The following BMPR1B variants were observed in gnomAD, a reference collection of about 807,000 sequenced individuals.
BMPR1B encodes the protein bone morphogenetic protein receptor type 1B.
A neutral mutation model predicts 59.1 loss-of-function variants in BMPR1B; 12 were observed. The ratio of observed to expected loss-of-function variants is 0.20; its 90% CI spans 0.13 to 0.33. BMPR1B has a LOEUF of 0.33. Ranked by LOEUF, BMPR1B falls within the 10% of genes least tolerant of loss-of-function variation. The pLI is 1.00. For missense variants in BMPR1B, 550 were observed against 610.9 expected, an observed-to-expected ratio of 0.90 and a Z score of 1.05; for synonymous variants, 237 against 207.3, an observed-to-expected ratio of 1.14 and a Z score of -1.23.
chr4:95,051,537 C>T (rs1382646929), intron 3 of BMPR1B: 2 of 624,280 alleles, frequency 3.2e-6, no homozygotes, highest in Non-Finnish European at 2.8e-6. Context: ...GTGACAGAAC[C>T]AGTTTGTAAC....
intron 1 of BMPR1B, among the ~76,000 whole-genome samples, chr4:94,829,553 T>C (rs763862301): frequency 6.6e-6 from 1 of 152,192 alleles, no homozygotes; most frequent in Non-Finnish European, 1.5e-5. Flanking sequence ...GCATGAGCCA[T>C]GGCACCTGGC....
chr4:94,792,072 A>G (rs147256782), intron 1 of BMPR1B, among the ~76,000 whole-genome samples: 20 of 152,322 alleles, frequency 1.3e-4, no homozygotes, highest in African/African-American at 4.8e-4. Flanking sequence ...GCATATTTGA[A>G]TAATGCATTA....
At chr4:95,068,064 A>G (rs547307210) in intron 3 of BMPR1B, among the ~76,000 whole-genome samples, 1 of 152,274 alleles carries the variant, frequency 6.6e-6, no homozygotes, top group East Asian at 1.9e-4. Context: ...GTTTAGTGTC[A>G]CTGCAGAGTT....
At chr4:94,842,049 G>A (rs1450100496) in intron 1 of BMPR1B, among the ~76,000 whole-genome samples, 1 of 152,144 alleles carries the variant, frequency 6.6e-6, no homozygotes, top group Non-Finnish European at 1.5e-5. Context: ...CAGGAGTTCC[G>A]TTACAGTACA....
rs1735428030 is a variant in BMPR1B at position 95,156,449 on chromosome 4, A to C, written c.*1776A>C. ...TTGACAGCTACATGAAACATGAGAA[A>C]ACATTTTCCTCACTTCTGAAGTCGG... On this transcript the variant is annotated 3_prime_UTR_variant, in exon 13 of 13. Transcript: ENST00000515059. 6.6e-6 allele frequency: 1 copy of C among 152,124 alleles called. No homozygotes were observed. Among genetic ancestry groups the C allele is most frequent in the African/African-American group, 2.4e-5 (1 of 41,436 alleles). 9.4% of individuals were successfully genotyped at this position (152,124 alleles called of 1,614,324 possible). A position where few individuals can be genotyped will look rare whatever the true frequency, so the allele number is the denominator to read the frequency against.
chr4:94,822,802 GA>G (rs1473560579), intron 1 of BMPR1B, among the ~76,000 whole-genome samples: 1 of 152,136 alleles, frequency 6.6e-6, no homozygotes, highest in African/African-American at 2.4e-5. Flanking sequence ...CTTAGTCTCT[GA>G]AATAGCAAGG....
intron 3 of BMPR1B, among the ~76,000 whole-genome samples, chr4:95,039,617 A>G (rs913242844): frequency 1.3e-5 from 2 of 152,204 alleles, no homozygotes; most frequent in Non-Finnish European, 1.5e-5. Flanking sequence ...GTAAGGGAAG[A>G]TACGGAAATA....
At chr4:94,987,698 C>T (rs945291732) in intron 2 of BMPR1B, among the ~76,000 whole-genome samples, 3 of 151,940 alleles carry the variant, frequency 2.0e-5, no homozygotes, top group African/African-American at 7.3e-5. Flanking sequence ...GACCCCCCCT[C>T]GAAAGATACT....
At chr4:94,884,386 T>C (rs1727091127) in intron 2 of BMPR1B, among the ~76,000 whole-genome samples, 1 of 151,714 alleles carries the variant, frequency 6.6e-6, no homozygotes, top group Non-Finnish European at 1.5e-5. Context: ...ATTAGCTGGG[T>C]GTGGTGGCAG....
chr4:95,145,930 C>T (rs1201814359), intron 10 of BMPR1B, among the ~76,000 whole-genome samples: 1 of 152,198 alleles, frequency 6.6e-6, no homozygotes, highest in Non-Finnish European at 1.5e-5. Context: ...GAGATTTTTA[C>T]ATTTCCCTTT....
chr4:94,917,378 T>C (rs1728524069), intron 2 of BMPR1B, among the ~76,000 whole-genome samples: 1 of 152,158 alleles, frequency 6.6e-6, no homozygotes, highest in East Asian at 1.9e-4. Flanking sequence ...AGAGCAGCCA[T>C]GGGGGCCGAA....
intron 8 of BMPR1B, among the ~76,000 whole-genome samples, chr4:95,128,948 CT>C (rs1406652506): frequency 6.6e-6 from 1 of 151,980 alleles, no homozygotes; most frequent in Non-Finnish European, 1.5e-5. Flanking sequence ...CATTCTCTTT[CT>C]TTCTTCTCTC....
At chr4:94,810,594 T>C (rs552158106) in intron 1 of BMPR1B, among the ~76,000 whole-genome samples, 1 of 152,276 alleles carries the variant, frequency 6.6e-6, no homozygotes, top group African/African-American at 2.4e-5. Flanking sequence ...CAAATGCAAT[T>C]TGATTTATAT....
chr4:94,796,492 A>G (rs777120800), intron 1 of BMPR1B, among the ~76,000 whole-genome samples: 1 of 152,196 alleles, frequency 6.6e-6, no homozygotes, highest in Admixed American at 6.5e-5. Flanking sequence ...TTCTCAGATC[A>G]TCTACAAAGA....
In BMPR1B at chr4:94,757,973, C is replaced by CGGGCGG. The variant is rs1721586835; in HGVS notation, c.-273_-272insGGGGCG. On this transcript the variant is annotated 5_prime_UTR_variant, in exon 1 of 13. Transcript: ENST00000515059. ...GGCGGCCAGAAGTTGACGGCGCAGC[C>CGGGCGG]GGGCGCGGGGCGCGGAGTCGGCGGG... is the stretch of plus-strand genomic sequence containing the variant. The CGGGCGG allele has an allele frequency of 6.9e-6, 1 of 144,646 alleles. No homozygotes were observed. The highest frequency in any genetic ancestry group is 6.9e-5 in the Admixed American group (1 of 14,542). 9.0% of individuals were successfully genotyped at this position (144,646 alleles called of 1,614,324 possible).
intron 1 of BMPR1B, among the ~76,000 whole-genome samples, chr4:94,786,642 C>A (rs1722774699): frequency 6.6e-6 from 1 of 152,112 alleles, no homozygotes; most frequent in South Asian, 2.1e-4. Flanking sequence ...GGATTCACAC[C>A]ATTCTCCTGC....
chr4:94,976,036 A>G (rs1731020190), intron 2 of BMPR1B, among the ~76,000 whole-genome samples: 1 of 152,182 alleles, frequency 6.6e-6, no homozygotes, highest in South Asian at 2.1e-4. Context: ...GGGTTAGGGT[A>G]TCTCCTGCAT....
At chr4:94,958,041 A>G (rs1011322406) in intron 2 of BMPR1B, among the ~76,000 whole-genome samples, 8 of 152,200 alleles carry the variant, frequency 5.3e-5, no homozygotes, top group African/African-American at 1.7e-4. Context: ...CAGTCCATCC[A>G]TCGTTTATCA....
At position 94,882,641 on chromosome 4, in the gene BMPR1B, A is replaced by G. The variant is rs17022449; in HGVS notation, c.-113+6741A>G. On this transcript the variant is annotated intron_variant, in intron 2 of 12. Coordinates refer to ENST00000515059, the MANE Select transcript of BMPR1B (RefSeq NM_001203.3). ...TACCTGATAACAGGTTAATCCAGCT[A>G]GAATTGGTAGGGTGGAGATTTGAAT... Among the ~76,000 whole-genome samples the G allele has an allele frequency of 9.9e-3, 1,506 of 152,338 alleles. 31 individuals are homozygous for G. The highest frequency in any genetic ancestry group is 0.033 in the African/African-American group (1,389 of 41,568).
Sources: allele counts gnomAD v4.1 joint callset (sites outside exome capture counted in the v4.1 genomes callset), GRCh38; gene constraint gnomAD v4.1.1; transcripts MANE v1.5; gene names NCBI Gene and HGNC (gene_info 2026-07-23, HGNC 2026-07-21).